The following GABRB1 variants were observed in gnomAD, a reference collection of about 807,000 sequenced individuals.
GABRB1 encodes gamma-aminobutyric acid receptor subunit beta-1.
In GABRB1, 17 loss-of-function variants were observed where a neutral mutation model predicts 51.6. The observed-to-expected ratio is 0.33, with a 90% confidence interval of 0.23 to 0.49. GABRB1 has a LOEUF of 0.49. Ranked by LOEUF, GABRB1 falls within the 20% of genes least tolerant of loss-of-function variation. The pLI is 0.99. For synonymous variants in GABRB1, 247 were observed against 218.9 expected (o/e 1.13, Z -1.14); for missense variants, 410 against 600.6 (o/e 0.68, Z 3.32).
rs111258115 is a variant in GABRB1 at position 47,088,626 on chromosome 4, T to C, written c.240+56142T>C. On this transcript the variant is annotated intron_variant, in intron 3 of 8. Coordinates refer to ENST00000295454, the MANE Select transcript of GABRB1 (RefSeq NM_000812.4). Reference sequence around the variant, plus strand: ...CAGGAGAAAAAGTTGTTTCTTTTCTTTACAATCGTGTCATTGAGAAGGCCA... The same window carrying C: ...CAGGAGAAAAAGTTGTTTCTTTTCTCTACAATCGTGTCATTGAGAAGGCCA... Among the ~76,000 whole-genome samples, 198 of 152,300 alleles carry C rather than the reference T, an allele frequency of 1.3e-3. 2 individuals are homozygous for C. The highest frequency in any genetic ancestry group is 4.1e-3 in the African/African-American group (171 of 41,570).
At chr4:47,421,360 C>A (rs536040353) in intron 8 of GABRB1, among the ~76,000 whole-genome samples, 1 of 152,016 alleles carries the variant, frequency 6.6e-6, no homozygotes, top group Non-Finnish European at 1.5e-5. Flanking sequence ...CTTCACTAGC[C>A]GATTCTAAAC....
rs116608668 is a variant in GABRB1 at position 47,215,213 on chromosome 4, T to C, written c.461+53744T>C. Reference sequence around the variant, plus strand: ...GCTATTTATTACAAAATAAAAATAGTCCAGTCTCTGATGAAGGTGAAGTGC... The same window carrying C: ...GCTATTTATTACAAAATAAAAATAGCCCAGTCTCTGATGAAGGTGAAGTGC... On this transcript the variant is annotated intron_variant, in intron 4 of 8. Coordinates refer to ENST00000295454, the MANE Select transcript of GABRB1 (RefSeq NM_000812.4). 5.9e-3 allele frequency among the ~76,000 whole-genome samples: 905 copies of C among 152,216 alleles called. 8 individuals carry two copies. Among genetic ancestry groups the C allele is most frequent in the African/African-American group, 0.021 (873 of 41,554 alleles).
chr4:47,411,692 G>A (rs941307591), intron 8 of GABRB1, among the ~76,000 whole-genome samples: 2 of 152,154 alleles, frequency 1.3e-5, no homozygotes, highest in Non-Finnish European at 2.9e-5. Context: ...TCATAGTTAT[G>A]TAAGATGTAA....
At chr4:47,023,462 C>T (rs1396747642) in intron 1 of GABRB1, among the ~76,000 whole-genome samples, 1 of 151,544 alleles carries the variant, frequency 6.6e-6, no homozygotes, top group East Asian at 1.9e-4. Flanking sequence ...ATTAAAATTG[C>T]CATTTTCAAG....
intron 4 of GABRB1, among the ~76,000 whole-genome samples, chr4:47,164,474 G>T (rs556249593): frequency 6.6e-6 from 1 of 152,106 alleles, no homozygotes; most frequent in Non-Finnish European, 1.5e-5. Context: ...GTAATTAAGA[G>T]AATCAAACTT....
intron 4 of GABRB1, among the ~76,000 whole-genome samples, chr4:47,253,847 T>G (rs1262362543): frequency 6.6e-6 from 1 of 152,174 alleles, no homozygotes; most frequent in Non-Finnish European, 1.5e-5. Flanking sequence ...TCCAAAGAAA[T>G]GTTTCATAAT....
upstream of GABRB1, among the ~76,000 whole-genome samples, chr4:47,030,308 C>G (rs1025757557): frequency 6.6e-6 from 1 of 152,072 alleles, no homozygotes; most frequent in Non-Finnish European, 1.5e-5. Flanking sequence ...TTTTCTATTA[C>G]GTTTTTTTGT....
intron 3 of GABRB1, among the ~76,000 whole-genome samples, chr4:47,089,055 T>A (rs1467363054): frequency 6.6e-6 from 1 of 152,192 alleles, no homozygotes; most frequent in Non-Finnish European, 1.5e-5. Flanking sequence ...ATGGCTATGA[T>A]CTGATCACTC....
chr4:47,420,943 A>AACAC (rs71654875), intron 8 of GABRB1, among the ~76,000 whole-genome samples: 19,233 of 140,792 alleles, frequency 0.14, 1,387 homozygotes, highest in Non-Finnish European at 0.16. Flanking sequence ...TACACACACA[A>AACAC]ACACACACAC....
At chr4:47,047,627 T>C (rs1344442340) in intron 3 of GABRB1, among the ~76,000 whole-genome samples, 1 of 152,156 alleles carries the variant, frequency 6.6e-6, no homozygotes, top group Non-Finnish European at 1.5e-5. Context: ...ATATGGTTAA[T>C]ACTAGAAATT....
At chr4:47,078,654 G>A (rs1727676510) in intron 3 of GABRB1, among the ~76,000 whole-genome samples, 1 of 152,150 alleles carries the variant, frequency 6.6e-6, no homozygotes, top group Admixed American at 6.5e-5. Context: ...AAATGAGAAT[G>A]TGAGAACAGT....
At chr4:47,293,114 TTTGTTGTTG>T (rs201509280) in intron 4 of GABRB1, among the ~76,000 whole-genome samples, 3 of 151,920 alleles carry the variant, frequency 2.0e-5, no homozygotes, top group Non-Finnish European at 2.9e-5. Flanking sequence ...AGCACATAGT[TTTGTTGTTG>T]TTGTTGTTGT....
intron 4 of GABRB1, among the ~76,000 whole-genome samples, chr4:47,265,039 G>A (rs2109884708): frequency 6.6e-6 from 1 of 152,170 alleles, no homozygotes; most frequent in African/African-American, 2.4e-5. Context: ...AATAGATTTA[G>A]CACAGTTTTG....
intron 8 of GABRB1, among the ~76,000 whole-genome samples, chr4:47,414,037 G>A (rs1016121890): frequency 1.3e-5 from 2 of 152,134 alleles, no homozygotes; most frequent in Non-Finnish European, 2.9e-5. Context: ...ATATATTCTG[G>A]CCACAATCCC....
rs560625959 is a variant in GABRB1, at chr4:47,103,962, C to T, written c.241-57287C>T. On this transcript the variant is annotated intron_variant, in intron 3 of 8. Coordinates refer to ENST00000295454, the MANE Select transcript of GABRB1 (RefSeq NM_000812.4). Reference sequence around the variant, plus strand: ...AATAAAAATAAGAAAAAATAAATTTCATATTTTCTTTTATTTATGCCCTTT... The same window carrying T: ...AATAAAAATAAGAAAAAATAAATTTTATATTTTCTTTTATTTATGCCCTTT... Among the ~76,000 whole-genome samples, 45 of 151,776 alleles carry T rather than the reference C, an allele frequency of 3.0e-4. 1 individual carries two copies. The highest frequency in any genetic ancestry group is 2.5e-3 in the South Asian group (12 of 4,818).
At chr4:47,352,380 A>G (rs992152831) in intron 5 of GABRB1, among the ~76,000 whole-genome samples, 4 of 152,218 alleles carry the variant, frequency 2.6e-5, no homozygotes, top group African/African-American at 9.6e-5. Flanking sequence ...TATTCCAATC[A>G]ATAGAAAAAG....
chr4:47,302,657 G>T (rs1036327005), intron 4 of GABRB1, among the ~76,000 whole-genome samples: 2 of 151,718 alleles, frequency 1.3e-5, no homozygotes, highest in African/African-American at 4.8e-5. Context: ...AGATTTTCAG[G>T]GTACAAGATC....
intron 4 of GABRB1, among the ~76,000 whole-genome samples, chr4:47,192,189 T>A (rs11942210): frequency 6.6e-6 from 1 of 152,012 alleles, no homozygotes; most frequent in Non-Finnish European, 1.5e-5. Context: ...TAGATCCCTA[T>A]GTCTTTAACG....
intron 4 of GABRB1, among the ~76,000 whole-genome samples, chr4:47,239,281 A>T (rs1469214355): frequency 6.6e-6 from 1 of 152,204 alleles, no homozygotes; most frequent in Non-Finnish European, 1.5e-5. Context: ...CATATTGTTG[A>T]CTGAATCAGT....
Sources: gnomAD v4.1 joint callset for allele counts (sites outside exome capture counted in the v4.1 genomes callset) on GRCh38, gnomAD v4.1.1 for gene constraint, MANE v1.5 for transcripts, NCBI Gene and HGNC (gene_info 2026-07-23, HGNC 2026-07-21) for gene names.